SCN1A: variants seen among roughly 807,000 people sequenced by gnomAD.
SCN1A encodes the protein sodium voltage-gated channel alpha subunit 1, also known as sodium channel protein type 1 subunit alpha.
In SCN1A, 13 loss-of-function variants were observed where a neutral mutation model predicts 193.7. The ratio of observed to expected loss-of-function variants is 0.07; its 90% confidence interval spans 0.04 to 0.11. The LOEUF (loss-of-function observed/expected upper bound fraction) is 0.11, where lower values mean the gene tolerates loss of function less well. Among genes scored for constraint, SCN1A ranks in the 10% least tolerant of loss-of-function variants. SCN1A has a pLI of 1.00. For missense variants in SCN1A, 1,432 were observed against 2,451.1 expected (o/e 0.58, Z 8.78); for synonymous variants, 781 against 843.6 (o/e 0.93, Z 1.29).
At chr2:166,147,434 C>T (rs1394763842) in intron 1 of SCN1A, among the ~76,000 whole-genome samples, 1 of 152,010 alleles carries the variant, frequency 6.6e-6, no homozygotes, top group Non-Finnish European at 1.5e-5. Flanking sequence ...CTTATTACAA[C>T]AAAGAAGAAT....
intron 12 of SCN1A, 80 bp downstream of exon 12, chr2:166,046,690 T>G: frequency 7.4e-7 from 1 of 1,359,004 alleles, no homozygotes; most frequent in Non-Finnish European, 1.1e-6. Context: ...CCACCTGCTC[T>G]TAGGTACTCA....
chr2:166,052,020 T>G (rs1252777897), intron 8 of SCN1A, 32 bp from the exon 9 acceptor site: 1 of 1,577,270 alleles, frequency 6.3e-7, no homozygotes, highest in Admixed American at 1.9e-5. Context: ...CTATGAAGAC[T>G]TAACACGTGT....
chr2:166,147,033 TCA>T (rs1420589713), intron 1 of SCN1A, among the ~76,000 whole-genome samples: 1 of 152,136 alleles, frequency 6.6e-6, no homozygotes, highest in Admixed American at 6.6e-5. Flanking sequence ...TCAGCATGCC[TCA>T]CAGTCACCTG....
At chr2:166,082,397 T>G (rs1685623878) in intron 2 of SCN1A, among the ~76,000 whole-genome samples, 1 of 152,018 alleles carries the variant, frequency 6.6e-6, no homozygotes, top group Non-Finnish European at 1.5e-5. Flanking sequence ...TAAAGCTAAA[T>G]AAAATATATG....
intron 1 of SCN1A, among the ~76,000 whole-genome samples, chr2:166,135,099 C>T (rs573711859): frequency 1.3e-5 from 2 of 151,992 alleles, no homozygotes; most frequent in African/African-American, 2.4e-5. Flanking sequence ...ATTCAGCAAT[C>T]CCCCCTACCC....
chr2:166,018,524 T>C (rs1025642802), intron 19 of SCN1A, among the ~76,000 whole-genome samples: 2 of 152,082 alleles, frequency 1.3e-5, no homozygotes, highest in Admixed American at 6.5e-5. Context: ...TTTAGGATGC[T>C]TACCTAAGAT....
intron 1 of SCN1A, among the ~76,000 whole-genome samples, chr2:166,144,992 A>G (rs558735556): frequency 1.8e-4 from 28 of 151,724 alleles, no homozygotes; most frequent in Admixed American, 4.6e-4. Context: ...GCGCACCACC[A>G]TGCCTAGCTA....
intron 4 of SCN1A, among the ~76,000 whole-genome samples, chr2:166,072,308 T>TA (rs371965221): frequency 2.6e-5 from 4 of 152,228 alleles, no homozygotes; most frequent in East Asian, 1.9e-4. Flanking sequence ...GCAATAATCT[T>TA]AAAAAAAATT....
At chr2:166,096,000 G>T (rs1156298207) in intron 2 of SCN1A, among the ~76,000 whole-genome samples, 2 of 152,134 alleles carry the variant, frequency 1.3e-5, no homozygotes, top group Non-Finnish European at 2.9e-5. Flanking sequence ...ATTAGGCCCA[G>T]ATTTATTCTA....
chr2:166,035,988 A>T, intron 19 of SCN1A, 60 bp downstream of exon 19: 1 of 1,514,254 alleles, frequency 6.6e-7, no homozygotes, highest in Non-Finnish European at 9.1e-7. Context: ...GATCATCTGT[A>T]TGTGTGTATA....
chr2:166,038,072 C>G lies in SCN1A; in HGVS notation c.2650G>C (p.Gly884Arg), dbSNP rs1253956567. The G allele has an allele frequency of 6.2e-7, 1 of 1,614,084 alleles. No homozygotes were observed. The highest frequency in any genetic ancestry group is 1.1e-5 in the South Asian group (1 of 91,086). ...PTLNMLIKII[G>R]NSVGALGNLT... ...TTTCCCAGAGCCCCCACGGAATTGC[C>G]GATGATCTTTATTAGCATATTTAAC... Residue 884 changes from glycine to arginine, a missense_variant, in exon 18 of 29, where the codon GGC becomes CGC. Around this residue, in one of 18 missense-constraint regions of SCN1A, gnomAD observed 93 missense variants for 260.4 expected, o/e 0.36. Coordinates refer to ENST00000674923, the MANE Select transcript of SCN1A (RefSeq NM_001165963.4).
At chr2:165,996,264 A>T (rs1439071562) in intron 26 of SCN1A, 147 bp from the exon 27 acceptor site, 3 of 566,882 alleles carry the variant, frequency 5.3e-6, no homozygotes, top group Non-Finnish European at 6.3e-6. Context: ...ATGTAAAAAA[A>T]ATTGTACTCT....
intron 15 of SCN1A, among the ~76,000 whole-genome samples, chr2:166,042,091 C>T (rs1467705613): frequency 6.6e-6 from 1 of 152,160 alleles, no homozygotes; most frequent in Non-Finnish European, 1.5e-5. Context: ...GGAAAACATT[C>T]TTAGTCCCAA....
chr2:166,065,394 C>T (rs1482438626), intron 4 of SCN1A, among the ~76,000 whole-genome samples: 2 of 152,110 alleles, frequency 1.3e-5, no homozygotes, highest in Non-Finnish European at 2.9e-5. Context: ...ATACATATCT[C>T]TGGGGACATT....
chr2:166,062,489 G>A (rs1683412007), intron 4 of SCN1A, among the ~76,000 whole-genome samples: 1 of 152,102 alleles, frequency 6.6e-6, no homozygotes, highest in African/African-American at 2.4e-5. Context: ...TTAATAAAAG[G>A]ATACTTGTTT....
chr2:166,128,875 C>T (rs998291615), upstream of SCN1A, among the ~76,000 whole-genome samples: 20 of 152,076 alleles, frequency 1.3e-4, no homozygotes, highest in Admixed American at 7.2e-4. Flanking sequence ...CTAATTATAA[C>T]TCTTGGAACT....
At position 166,036,077 on chromosome 2, in the gene SCN1A, T is replaced by C. The variant is rs1184006424; in HGVS notation, c.3400A>G (p.Ser1134Gly). 2 of 1,613,826 alleles carry C rather than the reference T, an allele frequency of 1.2e-6. No homozygotes were observed. The highest frequency in any genetic ancestry group is 1.7e-6 in the Non-Finnish European group (2 of 1,179,918). The change falls in exon 19 of 29, where the codon AGT becomes GGT. Residue 1134 changes from serine (S) to glycine (G), a missense_variant. Physicochemically the swap from Ser to Gly is moderately conservative, Grantham distance 56. This residue lies in a region of SCN1A where 198 missense variants were observed against 225.8 expected (regional missense o/e 0.88). Transcript: ENST00000674923. ...FENLNTEDFS[S>G]ESDLEESKEK... Reference sequence around the variant, plus strand: ...TTGCTTTCTTCCAGATCCGATTCACTACTAAAGTCTTCCGTGTTTAAATTT... The same window carrying C: ...TTGCTTTCTTCCAGATCCGATTCACCACTAAAGTCTTCCGTGTTTAAATTT...
In SCN1A at chr2:165,990,839, A is replaced by C. The variant is rs951037035; in HGVS notation, c.*406T>G. 13 of 191,580 alleles carry C rather than the reference A, an allele frequency of 6.8e-5. No homozygotes were observed. The highest frequency in any genetic ancestry group is 1.3e-4 in the Non-Finnish European group (12 of 91,392). 11.9% of individuals were successfully genotyped at this position (191,580 alleles called of 1,614,324 possible). A position where few individuals can be genotyped will look rare whatever the true frequency, so the allele number is the denominator to read the frequency against. ...AACACATGGATTAACAAAAAGATGA[A>C]TCCACTAACAGATTCCATAAAAATG... On this transcript the variant is annotated 3_prime_UTR_variant, in exon 29 of 29. Coordinates refer to ENST00000674923, the MANE Select transcript of SCN1A (RefSeq NM_001165963.4).
At chr2:165,998,573 A>G (rs1045043519) in intron 25 of SCN1A, among the ~76,000 whole-genome samples, 1 of 151,360 alleles carries the variant, frequency 6.6e-6, no homozygotes, top group South Asian at 2.1e-4. Context: ...AATGTAGCAA[A>G]TAAGAAATGA....
Sources: allele counts gnomAD v4.1 joint callset (sites outside exome capture counted in the v4.1 genomes callset), GRCh38; gene constraint gnomAD v4.1.1; regional missense constraint gnomAD v4.1.1; transcripts MANE v1.5; gene names NCBI Gene and HGNC (gene_info 2026-07-23, HGNC 2026-07-21).